CCDC134: variants seen among roughly 807,000 people sequenced by gnomAD.
CCDC134 encodes the protein coiled-coil domain containing 134.
A neutral mutation model predicts 25.6 loss-of-function variants in CCDC134; 27 were observed. The observed-to-expected ratio is 1.05, with a 90% confidence interval of 0.78 to 1.45. The LOEUF (loss-of-function observed/expected upper bound fraction) is 1.45, where lower values mean the gene tolerates loss of function less well. CCDC134 is among the 40% of genes most tolerant of loss of function. The pLI is 0.00. For synonymous variants in CCDC134, 110 were observed against 115.0 expected, an observed-to-expected ratio of 0.96 and a Z score of 0.28; for missense variants, 261 against 286.7, an observed-to-expected ratio of 0.91 and a Z score of 0.65.
At chr22:41,808,088 A>G (rs1047911217) in intron 1 of CCDC134, among the ~76,000 whole-genome samples, 2 of 151,808 alleles carry the variant, frequency 1.3e-5, no homozygotes, top group Non-Finnish European at 2.9e-5. Context: ...TGAACCCGGG[A>G]GGTGGAGGTT....
chr22:41,809,477 T>C (rs1569354369), intron 2 of CCDC134, among the ~76,000 whole-genome samples: 1 of 152,072 alleles, frequency 6.6e-6, no homozygotes, highest in Non-Finnish European at 1.5e-5. Context: ...GGAGAAACAC[T>C]GTGTGATGGT....
chr22:41,801,049 G>C (rs1034333185), intron 1 of CCDC134, among the ~76,000 whole-genome samples: 14 of 150,746 alleles, frequency 9.3e-5, no homozygotes, highest in African/African-American at 3.4e-4. Flanking sequence ...GACGCATACG[G>C]CAGGATCGGG....
At chr22:41,804,623 C>T (rs1006826253) in intron 1 of CCDC134, among the ~76,000 whole-genome samples, 4 of 152,192 alleles carry the variant, frequency 2.6e-5, no homozygotes, top group Non-Finnish European at 5.9e-5. Context: ...ACTTAACAGT[C>T]TTAAGGTTCC....
chr22:41,808,757 G>C, intron 1 of CCDC134, 118 bp from the exon 2 acceptor site: 1 of 777,778 alleles, frequency 1.3e-6, no homozygotes, highest in Non-Finnish European at 2.2e-6. Flanking sequence ...CCCAAAGCTG[G>C]GTTCTTGGTA....
rs748066099 is a variant in CCDC134, at chr22:41,808,862, G to A, written c.-16-13G>A. 2 of 1,581,956 alleles carry A rather than the reference G, an allele frequency of 1.3e-6. No homozygotes were observed. Among genetic ancestry groups the A allele is most frequent in the Admixed American group, 1.7e-5 (1 of 59,926 alleles). The stretch of plus-strand genomic sequence containing the variant: ...TCTGAGTCTCACTCTCTTTCTTTGG[G>A]TTATTCTTCCAGCTCAAGAGGTTTG... On this transcript the variant is annotated splice_polypyrimidine_tract_variant and intron_variant, in intron 1 of 6. Transcript: ENST00000255784.
intron 4 of CCDC134, among the ~76,000 whole-genome samples, chr22:41,811,617 T>C (rs548353461): frequency 6.4e-4 from 97 of 152,110 alleles, no homozygotes; most frequent in Non-Finnish European, 1.2e-3. Context: ...TTAGTAGAGA[T>C]GGGGTTTTGC....
chr22:41,801,969 G>C (rs2076545699), intron 1 of CCDC134, among the ~76,000 whole-genome samples: 1 of 152,218 alleles, frequency 6.6e-6, no homozygotes, highest in South Asian at 2.1e-4. Flanking sequence ...AGGATGAATA[G>C]CAAGAGTGGT....
intron 5 of CCDC134, 37 bp downstream of exon 5, chr22:41,813,482 G>A: frequency 6.2e-7 from 1 of 1,609,762 alleles, no homozygotes; most frequent in Non-Finnish European, 8.5e-7. Flanking sequence ...GGAGCCCTCT[G>A]TCGGGTAGTG....
rs1039670775 is a variant in CCDC134, at chr22:41,825,987, T to A, written c.*164T>A. On this transcript the variant is annotated 3_prime_UTR_variant, in exon 7 of 7. Transcript: ENST00000255784. This position sits in a 1 kb window ranked among gnomAD's most constrained non-coding sequence, Gnocchi z 4.4. ...GGGTCTGAGCCCCAGCTGAAGGGACTGAGCCTCAGATGGCTGGATTTTCTC... is the reference window on the plus strand; with the variant it reads ...GGGTCTGAGCCCCAGCTGAAGGGACAGAGCCTCAGATGGCTGGATTTTCTC... The A allele has an allele frequency of 4.3e-6, 4 of 933,168 alleles. No homozygotes were observed. The South Asian group carries it at 6.6e-5, about 16-fold the overall frequency. 57.8% of individuals were successfully genotyped at this position (933,168 alleles called of 1,614,324 possible).
rs968401119 is a variant in CCDC134 at position 41,830,230 on chromosome 22, T to C, written c.*4407T>C. ...GGGATCCAGGGCCAGAGGGAAAATA[T>C]CAGTGCTTCCTGAGGTTCGGGTCCA... On this transcript the variant is annotated 3_prime_UTR_variant, in exon 7 of 7. Transcript: ENST00000255784. Among the ~76,000 whole-genome samples, 6 of 152,214 alleles carry C rather than the reference T, an allele frequency of 3.9e-5. No individual in the cohort carries two copies. Among genetic ancestry groups the C allele is most frequent in the Non-Finnish European group, 7.3e-5 (5 of 68,034 alleles).
intron 4 of CCDC134, among the ~76,000 whole-genome samples, chr22:41,812,564 G>A (rs1325515828): frequency 2.6e-5 from 4 of 152,068 alleles, no homozygotes; most frequent in Non-Finnish European, 5.9e-5. Flanking sequence ...TTAGAAGGCC[G>A]AGGTAGGAGG....
chr22:41,810,081 G>C, intron 3 of CCDC134, 81 bp downstream of exon 3: 2 of 1,600,182 alleles, frequency 1.2e-6, no homozygotes, highest in Non-Finnish European at 8.5e-7. Context: ...TTCCCTAACG[G>C]GTTGGTGTTC....
intron 6 of CCDC134, among the ~76,000 whole-genome samples, chr22:41,820,922 C>T (rs1463255687): frequency 6.6e-6 from 1 of 152,148 alleles, no homozygotes; most frequent in Non-Finnish European, 1.5e-5. Context: ...AGGACACAGT[C>T]ATCTGGGGCA....
rs1010203206 is a variant in CCDC134, at chr22:41,829,182, TCTC to T, written c.*3362_*3364del. Among the ~76,000 whole-genome samples, 4 of 152,214 alleles carry T rather than the reference TCTC, an allele frequency of 2.6e-5. No homozygotes were observed. The highest frequency in any genetic ancestry group is 2.0e-4 in the Admixed American group (3 of 15,288). On this transcript the variant is annotated 3_prime_UTR_variant, in exon 7 of 7. Transcript: ENST00000255784. ...GAAAACCTCTCTGGTCCACAGCCCT[TCTC>T]CTTATTCCAGTCCCACATCTTCCTC...
Position 41,827,536 on chromosome 22 carries a change from G to A in CCDC134, c.*1713G>A, listed in dbSNP as rs2076685431. Among the ~76,000 whole-genome samples the A allele has an allele frequency of 6.6e-6, 1 of 152,234 alleles. No individual in the cohort carries two copies. The highest frequency in any genetic ancestry group is 2.4e-5 in the African/African-American group (1 of 41,464). ...AGTATACTCCACAGCATGGGAGAGG[G>A]CCTGAGCATAGGGACTCAAGGGGCC... On this transcript the variant is annotated 3_prime_UTR_variant, in exon 7 of 7. Transcript: ENST00000255784.
Position 41,813,406 on chromosome 22 carries a change from C to A in CCDC134, c.453C>A (p.Gly151=). Residue 151 remains glycine (G), a synonymous_variant, in exon 5 of 7, where the codon GGC becomes GGA. Coordinates refer to ENST00000255784, the MANE Select transcript of CCDC134 (RefSeq NM_024821.5). ...GTATCAGTTTCTGCAACCAGACAGG[C>A]GTCTTCAACCAGGGGCCCCACTCGC... The part of the protein sequence containing the change: ...RWGISFCNQT[G]VFNQGPHSPI... 6.2e-7 allele frequency: 1 copy of A among 1,614,212 alleles called. No individual in the cohort carries two copies. The highest frequency in any genetic ancestry group is 8.5e-7 in the Non-Finnish European group (1 of 1,180,032).
At chr22:41,813,712 G>A in intron 5 of CCDC134, 39 bp from the exon 6 acceptor site, 1 of 1,591,984 alleles carries the variant, frequency 6.3e-7, no homozygotes, top group Non-Finnish European at 8.6e-7. Context: ...GCAGGACTCA[G>A]GAGAAGGCAG....
rs984051570 is a variant in CCDC134, at chr22:41,826,276, A to G, written c.*453A>G. ...AGCCCCTCTGCAGAGACACAATAAA[A>G]GCCAGCAGACCCTTTGGACCGACCA... On this transcript the variant is annotated 3_prime_UTR_variant, in exon 7 of 7. Transcript: ENST00000255784. 6.3e-6 allele frequency: 1 copy of G among 158,816 alleles called. No individual in the cohort carries two copies. The highest frequency in any genetic ancestry group is 1.8e-4 in the South Asian group (1 of 5,406). The allele number at this position is 158,816 out of a possible 1,614,324, so 9.8% of individuals were successfully genotyped here. A position where few individuals can be genotyped will look rare whatever the true frequency, so the allele number is the denominator to read the frequency against.
chr22:41,822,707 TC>T (rs1327118190), intron 6 of CCDC134, among the ~76,000 whole-genome samples: 1 of 152,202 alleles, frequency 6.6e-6, no homozygotes, highest in Admixed American at 6.5e-5. Flanking sequence ...GAATGGGGTC[TC>T]TGTGGCCTAA....
Sources: allele counts gnomAD v4.1 joint callset (sites outside exome capture counted in the v4.1 genomes callset), GRCh38; gene constraint gnomAD v4.1.1; non-coding constraint Gnocchi (gnomAD v3.1); transcripts MANE v1.5; gene names NCBI Gene and HGNC (gene_info 2026-07-23, HGNC 2026-07-21).